The following TPRG1 variants were observed in gnomAD, a reference collection of about 807,000 sequenced individuals.
TPRG1 encodes the protein tumor protein p63 regulated 1, also known as tumor protein p63-regulated gene 1 protein.
A neutral mutation model predicts 29.3 loss-of-function variants in TPRG1; 29 were observed. The observed-to-expected ratio is 0.99, with a 90% CI of 0.74 to 1.35. TPRG1 has a LOEUF of 1.35. TPRG1 is among the 40% of genes most tolerant of loss of function. The probability of loss-of-function intolerance (pLI) is 0.00; values close to 1 mark genes in which losing one functional copy is unlikely to be tolerated. For missense variants in TPRG1, 327 were observed against 335.0 expected, an observed-to-expected ratio of 0.98 and a Z score of 0.19; for synonymous variants, 130 against 116.8, an observed-to-expected ratio of 1.11 and a Z score of -0.73.
rs563029319 is a variant in TPRG1, at chr3:189,036,059, G to A, written c.-463+12113G>A. The stretch of plus-strand genomic sequence containing the variant: ...TAGTGGATTGGATAAAGAAAATATG[G>A]TCCATATACACCATGGAATATTATG... On this transcript the variant is annotated intron_variant, in intron 4 of 10. Transcript: ENST00000433971. 2.0e-5 allele frequency among the ~76,000 whole-genome samples: 3 copies of A among 151,840 alleles called. No individual in the cohort carries two copies. The East Asian group carries it at 5.8e-4, about 29-fold the overall frequency.
intron 4 of TPRG1, among the ~76,000 whole-genome samples, chr3:189,268,998 C>T (rs1443440817): frequency 6.6e-6 from 1 of 152,080 alleles, no homozygotes; most frequent in Admixed American, 6.5e-5. Context: ...CATACATTTT[C>T]CTCCAGAAAA....
intron 4 of TPRG1, among the ~76,000 whole-genome samples, chr3:189,241,810 T>G (rs1483644391): frequency 6.6e-6 from 1 of 152,182 alleles, no homozygotes; most frequent in Non-Finnish European, 1.5e-5. Flanking sequence ...CATTTTCTCT[T>G]GCTGCCACCA....
At chr3:189,029,456 A>G (rs899538915) in intron 4 of TPRG1, among the ~76,000 whole-genome samples, 8 of 152,226 alleles carry the variant, frequency 5.3e-5, no homozygotes, top group Non-Finnish European at 1.2e-4. Flanking sequence ...GCTGTCTTTC[A>G]TTATAGAACA....
intron 4 of TPRG1, among the ~76,000 whole-genome samples, chr3:189,043,967 A>G (rs921248970): frequency 6.6e-6 from 1 of 151,782 alleles, no homozygotes; most frequent in Admixed American, 6.6e-5. Flanking sequence ...AAATAACTTC[A>G]TTTTTTTCAT....
intron 3 of TPRG1, among the ~76,000 whole-genome samples, chr3:189,019,015 T>C (rs2152124117): frequency 6.6e-6 from 1 of 152,356 alleles, no homozygotes; most frequent in South Asian, 2.1e-4. Flanking sequence ...AGTTCACTCA[T>C]AATTTGTCTC....
At chr3:189,206,049 TTCTG>T (rs761488590) in intron 1 of TPRG1, among the ~76,000 whole-genome samples, 226 of 150,494 alleles carry the variant, frequency 1.5e-3, no homozygotes, top group Non-Finnish European at 2.5e-3. Context: ...CCTTCCTTTC[TTCTG>T]TCTTTCTTTC....
chr3:189,098,708 G>C (rs944427222), upstream of TPRG1, among the ~76,000 whole-genome samples: 1 of 152,116 alleles, frequency 6.6e-6, no homozygotes, highest in Non-Finnish European at 1.5e-5. Context: ...AAAACTTTAT[G>C]ATTCTTGCAT....
At chr3:189,269,982 GCTCC>G (rs1714796037) in intron 4 of TPRG1, among the ~76,000 whole-genome samples, 2 of 152,026 alleles carry the variant, frequency 1.3e-5, no homozygotes, top group East Asian at 3.9e-4. Context: ...TCATAAACAG[GCTCC>G]CTGACGTTGG....
intron 5 of TPRG1, among the ~76,000 whole-genome samples, chr3:189,316,378 C>T (rs906721623): frequency 5.9e-5 from 9 of 152,126 alleles, no homozygotes; most frequent in Non-Finnish European, 1.3e-4. Flanking sequence ...ATGGGCGTGC[C>T]CTCTATGACA....
At chr3:189,305,502 A>G (rs980545542) in intron 4 of TPRG1, among the ~76,000 whole-genome samples, 1 of 152,224 alleles carries the variant, frequency 6.6e-6, no homozygotes, top group Non-Finnish European at 1.5e-5. Context: ...TTTCTACTGT[A>G]TAAAACTCAC....
intron 4 of TPRG1, among the ~76,000 whole-genome samples, chr3:189,239,681 G>A (rs758346459): frequency 1.1e-4 from 17 of 152,138 alleles, no homozygotes; most frequent in Admixed American, 2.6e-4. Context: ...AAAGAGTAAT[G>A]CCTCTGGGAA....
chr3:189,000,502 A>G (rs1239453608), intron 1 of TPRG1, among the ~76,000 whole-genome samples: 1 of 152,072 alleles, frequency 6.6e-6, no homozygotes, highest in Non-Finnish European at 1.5e-5. Context: ...ACCCTAAAAC[A>G]CTACTGAGCT....
intron 5 of TPRG1, among the ~76,000 whole-genome samples, chr3:189,153,998 A>G (rs539552892): frequency 3.3e-4 from 50 of 152,320 alleles, no homozygotes; most frequent in African/African-American, 1.2e-3. Flanking sequence ...GTGAGTTCCC[A>G]TCATCTCTCC....
At chr3:189,279,912 C>T (rs1378014507) in intron 4 of TPRG1, among the ~76,000 whole-genome samples, 1 of 152,134 alleles carries the variant, frequency 6.6e-6, no homozygotes, top group Non-Finnish European at 1.5e-5. Flanking sequence ...AACGGGAAAA[C>T]TGAATGTAGT....
intron 4 of TPRG1, among the ~76,000 whole-genome samples, chr3:189,269,172 C>G (rs1169105937): frequency 6.6e-6 from 1 of 150,596 alleles, no homozygotes; most frequent in Non-Finnish European, 1.5e-5. Flanking sequence ...CAAGGCAAAA[C>G]ATAAGCAGAA....
At chr3:189,291,022 C>T (rs1718915090) in intron 4 of TPRG1, among the ~76,000 whole-genome samples, 1 of 152,144 alleles carries the variant, frequency 6.6e-6, no homozygotes, top group African/African-American at 2.4e-5. Context: ...CTGCCTCAGC[C>T]TCCCGAGTAG....
chr3:189,008,231 A>G (rs1712411176), intron 3 of TPRG1, among the ~76,000 whole-genome samples: 1 of 152,046 alleles, frequency 6.6e-6, no homozygotes, highest in Non-Finnish European at 1.5e-5. Flanking sequence ...AGTGCCATCG[A>G]CTTTGTCCAC....
At position 189,310,492 on chromosome 3, in the gene TPRG1, G is replaced by A. The variant is rs1434945462; in HGVS notation, c.586G>A (p.Glu196Lys). The A allele has an allele frequency of 6.2e-7, 1 of 1,612,454 alleles. No individual in the cohort carries two copies. The highest frequency in any genetic ancestry group is 8.5e-7 in the Non-Finnish European group (1 of 1,179,490). The change falls in exon 5 of 6, where the codon GAG becomes AAG. Residue 196 changes from glutamate to lysine, a missense_variant. Glu to Lys is a moderately conservative substitution (Grantham distance 56). Coordinates refer to ENST00000345063, the MANE Select transcript of TPRG1 (RefSeq NM_198485.4). The stretch of plus-strand genomic sequence containing the variant: ...TGAAGTTCCTTATGCTACTTTCACT[G>A]AGCATCCTATGAAATACACCAGTGA... The part of the protein sequence containing the change: ...STEVPYATFT[E>K]HPMKYTSEKF...
At chr3:189,285,003 A>G (rs941127337) in intron 4 of TPRG1, among the ~76,000 whole-genome samples, 3 of 152,160 alleles carry the variant, frequency 2.0e-5, no homozygotes, top group Non-Finnish European at 4.4e-5. Context: ...TGAACAGGCA[A>G]CCTACAGAAT....
Sources: allele counts gnomAD v4.1 joint callset (sites outside exome capture counted in the v4.1 genomes callset), GRCh38; gene constraint gnomAD v4.1.1; transcripts MANE v1.5; gene names NCBI Gene and HGNC (gene_info 2026-07-23, HGNC 2026-07-21).